The following SLC30A8 variants were observed in gnomAD, a reference collection of about 807,000 sequenced individuals.
SLC30A8 encodes proton-coupled zinc antiporter SLC30A8.
A neutral mutation model predicts 36.9 loss-of-function variants in SLC30A8; 27 were observed. The ratio of observed to expected loss-of-function variants is 0.73; its 90% CI spans 0.54 to 1.01. The LOEUF (loss-of-function observed/expected upper bound fraction) is 1.01, where lower values mean the gene tolerates loss of function less well. SLC30A8 is among the 50% of genes least tolerant of loss of function. The pLI is 0.00. For synonymous variants in SLC30A8, 164 were observed against 172.4 expected (o/e 0.95, Z 0.38); for missense variants, 439 against 452.0 (o/e 0.97, Z 0.26).
chr8:117,102,290 T>C lies in SLC30A8; in HGVS notation c.-225-32990T>C, dbSNP rs894129841. On this transcript the variant is annotated intron_variant, in intron 2 of 10. Coordinates refer to the SLC30A8 transcript ENST00000427715. ...AATTCATTTGTCTTAAATATACCTA[T>C]TTCATGCTCTAAGAGATGTCTTTTA... 2.9e-4 allele frequency among the ~76,000 whole-genome samples: 44 copies of C among 152,336 alleles called. 1 individual carries two copies. Among genetic ancestry groups the C allele is most frequent in the African/African-American group, 9.9e-4 (41 of 41,568 alleles).
chr8:116,983,596 AC>A (rs1353951498), intron 1 of SLC30A8, among the ~76,000 whole-genome samples: 1 of 152,136 alleles, frequency 6.6e-6, no homozygotes, highest in African/African-American at 2.4e-5. Flanking sequence ...TTTTATCAAC[AC>A]GAAATGTCCC....
At chr8:117,135,831 CATT>C (rs1821336107) in intron 1 of SLC30A8, among the ~76,000 whole-genome samples, 1 of 151,818 alleles carries the variant, frequency 6.6e-6, no homozygotes, top group Non-Finnish European at 1.5e-5. Context: ...TATAAAGTAT[CATT>C]ATTAATATAC....
intron 5 of SLC30A8, among the ~76,000 whole-genome samples, chr8:117,163,054 A>C (rs1401882913): frequency 6.6e-6 from 1 of 152,258 alleles, no homozygotes; most frequent in East Asian, 1.9e-4. Flanking sequence ...AATTAAGGCC[A>C]AAAAGTCTTT....
chr8:117,074,520 A>AG (rs1818430665), intron 2 of SLC30A8, among the ~76,000 whole-genome samples: 1 of 152,192 alleles, frequency 6.6e-6, no homozygotes, highest in African/African-American at 2.4e-5. Flanking sequence ...TCGTTATTTC[A>AG]GGGGGCATTG....
At chr8:117,066,017 A>T (rs7017296) in intron 2 of SLC30A8, among the ~76,000 whole-genome samples, 3 of 151,916 alleles carry the variant, frequency 2.0e-5, no homozygotes, top group East Asian at 3.9e-4. Context: ...CAGCACTTCA[A>T]TTGGCCTCTC....
chr8:117,144,985 A>G (rs1309055216), intron 1 of SLC30A8, among the ~76,000 whole-genome samples: 1 of 152,104 alleles, frequency 6.6e-6, no homozygotes, highest in African/African-American at 2.4e-5. Flanking sequence ...TTGAGAGGGG[A>G]TAATCTCTCT....
At chr8:116,963,490 A>G (rs894339779) in intron 1 of SLC30A8, among the ~76,000 whole-genome samples, 2 of 152,208 alleles carry the variant, frequency 1.3e-5, no homozygotes, top group African/African-American at 2.4e-5. Flanking sequence ...GGATTTGTCA[A>G]TTCTGAATTT....
chr8:117,051,642 T>G (rs185446302), intron 2 of SLC30A8, among the ~76,000 whole-genome samples: 8 of 151,914 alleles, frequency 5.3e-5, no homozygotes, highest in Admixed American at 4.6e-4. Context: ...TGAAACCCCA[T>G]CTCTACTAAA....
chr8:116,961,905 C>T (rs778354833), intron 1 of SLC30A8, among the ~76,000 whole-genome samples: 4 of 151,896 alleles, frequency 2.6e-5, no homozygotes, highest in Non-Finnish European at 4.4e-5. Context: ...GAGGTCAGAG[C>T]CCTCATGACC....
At chr8:117,028,550 G>A (rs1199674108) in intron 1 of SLC30A8, among the ~76,000 whole-genome samples, 2 of 144,222 alleles carry the variant, frequency 1.4e-5, no homozygotes, top group Non-Finnish European at 3.0e-5. Flanking sequence ...TCTCACCACA[G>A]TTTTTTTTTT....
chr8:117,031,585 C>T (rs137965258), intron 1 of SLC30A8, among the ~76,000 whole-genome samples: 2,151 of 151,896 alleles, frequency 0.014, 58 homozygotes, highest in African/African-American at 0.05. Context: ...CTCAGCCTCC[C>T]GAGTAGCTGG....
intron 2 of SLC30A8, among the ~76,000 whole-genome samples, chr8:117,065,892 A>T (rs929468219): frequency 4.6e-5 from 7 of 152,170 alleles, no homozygotes; most frequent in Non-Finnish European, 5.9e-5. Flanking sequence ...GGTGCCTTCC[A>T]TTATGTGACT....
chr8:116,974,334 A>T (rs1361664496), intron 1 of SLC30A8, among the ~76,000 whole-genome samples: 1 of 152,214 alleles, frequency 6.6e-6, no homozygotes, highest in African/African-American at 2.4e-5. Context: ...AACTTAAACA[A>T]ATTTACAAGA....
At chr8:117,160,422 T>C (rs941330460) in intron 4 of SLC30A8, among the ~76,000 whole-genome samples, 11 of 146,082 alleles carry the variant, frequency 7.5e-5, no homozygotes, top group Middle Eastern at 6.9e-3. Flanking sequence ...TGTGTGTGTG[T>C]GTGTGTGTGT....
At chr8:117,084,157 G>C (rs1344328320) in intron 2 of SLC30A8, among the ~76,000 whole-genome samples, 1 of 152,086 alleles carries the variant, frequency 6.6e-6, no homozygotes. Context: ...TTATTTTTCT[G>C]TTCCACACTG....
At chr8:117,162,035 C>T in intron 5 of SLC30A8, 147 bp downstream of exon 5, 1 of 619,530 alleles carries the variant, frequency 1.6e-6, no homozygotes, top group East Asian at 3.0e-5. Flanking sequence ...AAACACTCAA[C>T]CATGGTGTTA....
At chr8:117,013,247 C>A (rs186059190) in intron 1 of SLC30A8, among the ~76,000 whole-genome samples, 106 of 152,232 alleles carry the variant, frequency 7.0e-4, no homozygotes, top group Non-Finnish European at 1.2e-3. Context: ...TGTTTCTTTG[C>A]CATTTTAGCA....
At chr8:116,969,361 T>G (rs1814711287) in intron 1 of SLC30A8, among the ~76,000 whole-genome samples, 1 of 152,160 alleles carries the variant, frequency 6.6e-6, no homozygotes, top group South Asian at 2.1e-4. Flanking sequence ...GAGGTTGCAG[T>G]GAGTCCAGAT....
chr8:117,092,733 G>C (rs1819185974), intron 2 of SLC30A8, among the ~76,000 whole-genome samples: 1 of 152,184 alleles, frequency 6.6e-6, no homozygotes, highest in South Asian at 2.1e-4. Flanking sequence ...GTACAAGCTG[G>C]GGAGGTTCCT....
Sources: allele counts gnomAD v4.1 joint callset (sites outside exome capture counted in the v4.1 genomes callset), GRCh38; gene constraint gnomAD v4.1.1; transcripts MANE v1.5; gene names NCBI Gene and HGNC (gene_info 2026-07-23, HGNC 2026-07-21).